Variants in NDST4 observed in about 807,000 individuals in gnomAD.
NDST4 encodes the protein N-heparan sulfate sulfotransferase 4.
Under a neutral mutation model 100.8 loss-of-function variants are expected in NDST4, and 63 were observed. The observed-to-expected ratio is 0.62, with a 90% CI of 0.51 to 0.77. NDST4 has a LOEUF of 0.77. NDST4 is among the 30% of genes least tolerant of loss of function. The pLI is 0.00. For synonymous variants in NDST4, 377 were observed against 361.8 expected, an observed-to-expected ratio of 1.04 and a Z score of -0.48; for missense variants, 943 against 1,018.4, an observed-to-expected ratio of 0.93 and a Z score of 1.01.
chr4:114,946,519 T>A (rs375864686), intron 4 of NDST4, among the ~76,000 whole-genome samples: 2 of 152,308 alleles, frequency 1.3e-5, no homozygotes, highest in South Asian at 4.1e-4. Context: ...GGTAAAAAGT[T>A]GTGACGGATT....
rs753356917 is a variant in NDST4, at chr4:114,870,900, C to T, written c.1587G>A (p.Gly529=). ...TGACCAAGTTCACAAAGGTATATAACCCTAGGCGGTCATTTCCATAGTTTG... is the reference window on the plus strand; with the variant it reads ...TGACCAAGTTCACAAAGGTATATAATCCTAGGCGGTCATTTCCATAGTTTG... ...HLSNYGNDRL[G]LYTFVNLVNF... The change falls in exon 7 of 14, where the codon GGG becomes GGA. Residue 529 remains glycine (G), a synonymous_variant. Transcript: ENST00000264363. 6.2e-7 allele frequency: 1 copy of T among 1,611,598 alleles called. No homozygotes were observed. Among genetic ancestry groups the T allele is most frequent in the Non-Finnish European group, 8.5e-7 (1 of 1,178,904 alleles).
intron 1 of NDST4, among the ~76,000 whole-genome samples, chr4:115,083,826 G>A (rs1238935263): frequency 6.6e-6 from 1 of 152,120 alleles, no homozygotes; most frequent in Non-Finnish European, 1.5e-5. Flanking sequence ...TAAGGTTCCT[G>A]AGGACTCCCC....
At chr4:114,872,535 T>C (rs1180168773) in intron 6 of NDST4, among the ~76,000 whole-genome samples, 2 of 152,072 alleles carry the variant, frequency 1.3e-5, no homozygotes, top group East Asian at 3.9e-4. Context: ...AGAAAACCTA[T>C]TAAAATGATC....
At chr4:115,107,132 G>T (rs1294460262) in intron 1 of NDST4, among the ~76,000 whole-genome samples, 5 of 151,954 alleles carry the variant, frequency 3.3e-5, no homozygotes, top group Admixed American at 1.3e-4. Context: ...CCTCCACCCT[G>T]GGTGCCAGAC....
Position 115,088,648 on chromosome 4 carries a change from G to A in NDST4, c.-246-11366C>T, listed in dbSNP as rs541673405. 1.1e-3 allele frequency among the ~76,000 whole-genome samples: 163 copies of A among 150,200 alleles called. 4 individuals carry two copies. In the South Asian group the frequency reaches 0.025, roughly 23 times the overall value. On this transcript the variant is annotated intron_variant, in intron 1 of 13. Coordinates refer to ENST00000264363, the MANE Select transcript of NDST4 (RefSeq NM_022569.3). ...TTCTGTCACTCTCACCCCCACTCCCGCCCCCAATCCAAGCAACTGCCCTAA... is the reference window on the plus strand; with the variant it reads ...TTCTGTCACTCTCACCCCCACTCCCACCCCCAATCCAAGCAACTGCCCTAA...
At chr4:114,937,676 G>A (rs1019173889) in intron 4 of NDST4, among the ~76,000 whole-genome samples, 173 bp from the exon 5 acceptor site, 2 of 152,166 alleles carry the variant, frequency 1.3e-5, no homozygotes, top group Admixed American at 6.5e-5. Context: ...ATAGAACTCT[G>A]ATGGCATAAC....
intron 1 of NDST4, among the ~76,000 whole-genome samples, chr4:115,110,394 G>A (rs981532400): frequency 6.6e-6 from 1 of 151,912 alleles, no homozygotes. Flanking sequence ...ATCTCACTTC[G>A]TAAACTTCAA....
intron 1 of NDST4, among the ~76,000 whole-genome samples, chr4:115,097,164 A>T (rs1435549000): frequency 6.6e-6 from 1 of 151,926 alleles, no homozygotes; most frequent in Non-Finnish European, 1.5e-5. Flanking sequence ...CTTCCTTGGG[A>T]TATCTTACAA....
intron 2 of NDST4, among the ~76,000 whole-genome samples, chr4:115,022,378 C>CATGTGTTTCATAT (rs1727860982): frequency 5.3e-5 from 1 of 18,758 alleles, no homozygotes; most frequent in East Asian, 2.4e-3. Flanking sequence ...GTTCCATGTA[C>CATGTGTTTCATAT]ATATGTGTTC....
At position 114,858,842 on chromosome 4, in the gene NDST4, C is replaced by T. The variant is rs537673646; in HGVS notation, c.1720-6021G>A. Among the ~76,000 whole-genome samples, 8 of 152,264 alleles carry T rather than the reference C, an allele frequency of 5.3e-5. No individual in the cohort carries two copies. In the East Asian group the frequency reaches 9.7e-4, roughly 18 times the overall value. The stretch of plus-strand genomic sequence containing the variant: ...ACCAGGAGACATGGGAAGGGGCTCA[C>T]CAAACACAAAGCTAAAACTCCTACC... On this transcript the variant is annotated intron_variant, in intron 7 of 13. Transcript: ENST00000264363.
At chr4:115,099,054 G>A (rs1729677533) in intron 1 of NDST4, among the ~76,000 whole-genome samples, 1 of 152,134 alleles carries the variant, frequency 6.6e-6, no homozygotes, top group Admixed American at 6.6e-5. Flanking sequence ...ATGCAGAAAG[G>A]ATAGCCTTTT....
rs148353371 is a variant in NDST4, at chr4:114,935,583, C to T, written c.1408-249G>A. ...TTGGTTTTATAAATCTAACCCACCACCTGTGTTATGTTAAATGATTAGGGA... is the reference window on the plus strand; with the variant it reads ...TTGGTTTTATAAATCTAACCCACCATCTGTGTTATGTTAAATGATTAGGGA... On this transcript the variant is annotated intron_variant, in intron 5 of 13. Coordinates refer to ENST00000264363, the MANE Select transcript of NDST4 (RefSeq NM_022569.3). Among the ~76,000 whole-genome samples, 60 of 152,114 alleles carry T rather than the reference C, an allele frequency of 3.9e-4. No homozygotes were observed. The East Asian group carries it at 0.011, about 27-fold the overall frequency.
At chr4:114,870,428 A>C (rs780910542) in intron 7 of NDST4, among the ~76,000 whole-genome samples, 2 of 152,080 alleles carry the variant, frequency 1.3e-5, no homozygotes, top group Non-Finnish European at 2.9e-5. Context: ...CTAGATATCT[A>C]CTGTCTAACC....
rs151047478 is a variant in NDST4, at chr4:115,032,124, A to G, written c.978+43935T>C. On this transcript the variant is annotated intron_variant, in intron 2 of 13. Coordinates refer to ENST00000264363, the MANE Select transcript of NDST4 (RefSeq NM_022569.3). ...TTTTGGAACTAATTAATGACTTTGC[A>G]GAAACAAATCACATTTAAGCACACA... is the stretch of plus-strand genomic sequence containing the variant. 2.3e-3 allele frequency among the ~76,000 whole-genome samples: 344 copies of G among 152,238 alleles called. 1 individual carries two copies. Among genetic ancestry groups the G allele is most frequent in the African/African-American group, 7.9e-3 (327 of 41,570 alleles).
At chr4:114,957,011 A>C (rs1467205532) in intron 4 of NDST4, among the ~76,000 whole-genome samples, 2 of 152,220 alleles carry the variant, frequency 1.3e-5, no homozygotes, top group Non-Finnish European at 2.9e-5. Flanking sequence ...AAATTTGTTC[A>C]AAGAACTAAA....
chr4:114,914,010 A>T (rs1387401489), intron 6 of NDST4, among the ~76,000 whole-genome samples: 2 of 152,144 alleles, frequency 1.3e-5, no homozygotes, highest in Admixed American at 1.3e-4. Context: ...TAAAAATGGA[A>T]TAAGATCCTG....
chr4:115,101,976 AAGAAG>A (rs1449187809), intron 1 of NDST4, among the ~76,000 whole-genome samples: 2 of 152,098 alleles, frequency 1.3e-5, no homozygotes, highest in Admixed American at 1.3e-4. Flanking sequence ...AGATTTGAAA[AAGAAG>A]AGAAAACACA....
chr4:114,877,887 G>A (rs1724289410), intron 6 of NDST4, among the ~76,000 whole-genome samples: 1 of 151,854 alleles, frequency 6.6e-6, no homozygotes, highest in African/African-American at 2.4e-5. Context: ...TGGAGGCAGA[G>A]TTTGCAGTGA....
At chr4:115,009,660 G>A (rs1578449965) in intron 2 of NDST4, among the ~76,000 whole-genome samples, 1 of 125,324 alleles carries the variant, frequency 8.0e-6, no homozygotes, top group South Asian at 3.1e-4. Context: ...AAAAGCAATG[G>A]CAAGGAAAGC....
Sources: gnomAD v4.1 joint callset for allele counts (sites outside exome capture counted in the v4.1 genomes callset) on GRCh38, gnomAD v4.1.1 for gene constraint, MANE v1.5 for transcripts, NCBI Gene and HGNC (gene_info 2026-07-23, HGNC 2026-07-21) for gene names.